ARB2A: variants seen among roughly 807,000 people sequenced by gnomAD.
ARB2A encodes the protein ARB2 cotranscriptional regulator A.
chr5:93,871,061 C>A, the ARB2A span, among the ~76,000 whole-genome samples: 20 of 152,280 alleles, frequency 1.3e-4, no homozygotes, highest in South Asian at 4.1e-3. Context: ...CAAAGTAAGC[C>A]TGACAATCCC....
At chr5:94,075,188 G>A in the ARB2A span, among the ~76,000 whole-genome samples, 1 of 151,946 alleles carries the variant, frequency 6.6e-6, no homozygotes, top group South Asian at 2.1e-4. Context: ...CCATTTACAA[G>A]GTCAGAATGT....
chr5:93,829,034 C>T, the ARB2A span, among the ~76,000 whole-genome samples: 1 of 152,156 alleles, frequency 6.6e-6, no homozygotes, highest in Non-Finnish European at 1.5e-5. Context: ...ACCCCGGCCT[C>T]CCAAAGTGCT....
At chr5:93,665,271 T>C in the ARB2A span, among the ~76,000 whole-genome samples, 1 of 152,240 alleles carries the variant, frequency 6.6e-6, no homozygotes, top group African/African-American at 2.4e-5. Context: ...AAGTTAATAA[T>C]GAGTCTGTGT....
the ARB2A span, among the ~76,000 whole-genome samples, chr5:94,026,325 T>C: frequency 6.6e-6 from 1 of 151,912 alleles, no homozygotes; most frequent in Non-Finnish European, 1.5e-5. Context: ...TTATATCCTT[T>C]GGTGTACCCA....
At chr5:93,908,862 A>G in the ARB2A span, among the ~76,000 whole-genome samples, 1 of 151,010 alleles carries the variant, frequency 6.6e-6, no homozygotes, top group Non-Finnish European at 1.5e-5. Flanking sequence ...GTCCTTCTAA[A>G]AACCAAACTT....
chr5:93,668,491 A>G, the ARB2A span, among the ~76,000 whole-genome samples: 1 of 152,258 alleles, frequency 6.6e-6, no homozygotes, highest in Non-Finnish European at 1.5e-5. Context: ...TAAGAATAAC[A>G]AAAGAATGGG....
chr5:93,728,330 A>G, the ARB2A span, among the ~76,000 whole-genome samples: 2 of 152,084 alleles, frequency 1.3e-5, no homozygotes, highest in African/African-American at 4.8e-5. Flanking sequence ...CGTGCTAGGC[A>G]TTCTCTCATA....
the ARB2A span, among the ~76,000 whole-genome samples, chr5:93,702,484 C>T: frequency 1.9e-4 from 29 of 152,132 alleles, no homozygotes; most frequent in Non-Finnish European, 2.9e-4. Context: ...ATTTTCTCTT[C>T]TGAAATGTAA....
the ARB2A span, among the ~76,000 whole-genome samples, chr5:93,836,150 C>T: frequency 1.3e-5 from 2 of 152,314 alleles, no homozygotes; most frequent in Middle Eastern, 3.4e-3. Flanking sequence ...GCCTCAGCCT[C>T]CCGAGTAGCT....
the ARB2A span, among the ~76,000 whole-genome samples, chr5:94,038,923 T>C: frequency 6.6e-6 from 1 of 152,150 alleles, no homozygotes; most frequent in East Asian, 1.9e-4. Context: ...AGGCAGACTT[T>C]CAGGCAGTAA....
the ARB2A span, among the ~76,000 whole-genome samples, chr5:93,764,971 A>C: frequency 6.6e-6 from 1 of 152,214 alleles, no homozygotes; most frequent in Non-Finnish European, 1.5e-5. Context: ...AGATGCAGAA[A>C]AGACCTTTGA....
chr5:93,972,538 T>C, the ARB2A span, among the ~76,000 whole-genome samples: 1 of 151,364 alleles, frequency 6.6e-6, no homozygotes, highest in Non-Finnish European at 1.5e-5. Context: ...ACTCTGGCAA[T>C]AGAAAAAGCC....
the ARB2A span, among the ~76,000 whole-genome samples, chr5:93,820,620 G>A: frequency 6.6e-6 from 1 of 152,104 alleles, no homozygotes; most frequent in Non-Finnish European, 1.5e-5. Context: ...AGTAAAATTT[G>A]TAAGAAATTT....
the ARB2A span, among the ~76,000 whole-genome samples, chr5:94,056,572 G>T: frequency 1.3e-5 from 2 of 152,086 alleles, no homozygotes; most frequent in African/African-American, 4.8e-5. Flanking sequence ...ATATGCATCA[G>T]ATATGACACG....
At chr5:93,958,151 T>C in the ARB2A span, among the ~76,000 whole-genome samples, 11 of 152,010 alleles carry the variant, frequency 7.2e-5, no homozygotes, top group African/African-American at 2.4e-4. Context: ...AATTTAAAAA[T>C]AGGAGTTTCT....
chr5:94,021,167 T>C, the ARB2A span, among the ~76,000 whole-genome samples: 1 of 152,100 alleles, frequency 6.6e-6, no homozygotes, highest in African/African-American at 2.4e-5. Context: ...CAGAGAAACA[T>C]TCATTCTAAC....
At chr5:93,950,711 A>C in the ARB2A span, among the ~76,000 whole-genome samples, 1 of 151,850 alleles carries the variant, frequency 6.6e-6, no homozygotes, top group East Asian at 1.9e-4. Flanking sequence ...TTGGGAGGCC[A>C]AGGTGGACAG....
chr5:93,759,277 C>A, the ARB2A span, among the ~76,000 whole-genome samples: 1 of 152,024 alleles, frequency 6.6e-6, no homozygotes, highest in Admixed American at 6.6e-5. Context: ...TAAAGAAAGT[C>A]CAGGACCAGA....
chr5:93,717,440 CTTTTTTT>C, the ARB2A span, among the ~76,000 whole-genome samples: 1 of 107,396 alleles, frequency 9.3e-6, no homozygotes, highest in Non-Finnish European at 2.0e-5. Flanking sequence ...ACCACAGTTG[CTTTTTTT>C]TTTTTTTTTT....
Sources: gnomAD v4.1 joint callset for allele counts (sites outside exome capture counted in the v4.1 genomes callset) on GRCh38, gnomAD v4.1.1 for gene constraint, MANE v1.5 for transcripts, NCBI Gene and HGNC (gene_info 2026-07-23, HGNC 2026-07-21) for gene names.